Variants in AUTS2 observed in about 807,000 individuals in gnomAD.
AUTS2 encodes activator of transcription and developmental regulator AUTS2.
AUTS2 carries 17 observed loss-of-function variants against 112.4 expected under a neutral mutation model. The observed-to-expected ratio is 0.15, with a 90% CI of 0.10 to 0.23. The LOEUF is 0.23. Among genes scored for constraint, AUTS2 ranks in the 10% least tolerant of loss-of-function variants. The pLI is 1.00. For synonymous variants in AUTS2, 751 were observed against 702.7 expected, an observed-to-expected ratio of 1.07 and a Z score of -1.09; for missense variants, 1,510 against 1,701.6, an observed-to-expected ratio of 0.89 and a Z score of 1.98.
At chr7:69,810,646 TA>T (rs1348351789) in intron 1 of AUTS2, among the ~76,000 whole-genome samples, 3 of 152,108 alleles carry the variant, frequency 2.0e-5, no homozygotes, top group Admixed American at 1.3e-4. Context: ...AGCATAGATG[TA>T]AAAACCATTG....
chr7:70,752,281 C>T (rs1257993919), intron 6 of AUTS2, among the ~76,000 whole-genome samples: 2 of 152,018 alleles, frequency 1.3e-5, no homozygotes, highest in African/African-American at 2.4e-5. Flanking sequence ...AAAGTGGGGC[C>T]GTGTCTTTAA....
chr7:70,204,083 T>C (rs1411234970), intron 4 of AUTS2, among the ~76,000 whole-genome samples: 2 of 152,256 alleles, frequency 1.3e-5, no homozygotes, highest in African/African-American at 2.4e-5. Context: ...TTCCCTCTTT[T>C]ATGTTTTTAT....
chr7:70,548,434 T>C (rs1800878542), intron 5 of AUTS2, among the ~76,000 whole-genome samples: 1 of 152,126 alleles, frequency 6.6e-6, no homozygotes, highest in South Asian at 2.1e-4. Flanking sequence ...AAGTCCAGTT[T>C]ATCAGTTTTT....
chr7:70,336,128 T>C (rs1010372400), intron 4 of AUTS2, among the ~76,000 whole-genome samples: 2 of 152,208 alleles, frequency 1.3e-5, no homozygotes, highest in African/African-American at 4.8e-5. Flanking sequence ...ACATCAAACA[T>C]AGATTTTACT....
At chr7:70,541,244 T>C (rs1800540696) in intron 5 of AUTS2, among the ~76,000 whole-genome samples, 1 of 152,208 alleles carries the variant, frequency 6.6e-6, no homozygotes, top group African/African-American at 2.4e-5. Flanking sequence ...TTCTGATTTG[T>C]TGTTCTGTTT....
chr7:69,658,906 T>C (rs181305405), intron 1 of AUTS2, among the ~76,000 whole-genome samples: 1 of 152,242 alleles, frequency 6.6e-6, no homozygotes, highest in African/African-American at 2.4e-5. Context: ...TGAAATTGTT[T>C]AGTGAATTAA....
intron 4 of AUTS2, among the ~76,000 whole-genome samples, chr7:70,375,513 G>GT (rs1793046872): frequency 6.6e-6 from 1 of 152,214 alleles, no homozygotes; most frequent in African/African-American, 2.4e-5. Flanking sequence ...AAGAGAAGGT[G>GT]TAAGTTATGG....
chr7:69,773,716 G>A (rs1258281302), intron 1 of AUTS2, among the ~76,000 whole-genome samples: 3 of 152,142 alleles, frequency 2.0e-5, no homozygotes, highest in African/African-American at 7.2e-5. Context: ...ACGGAGAAGG[G>A]TGCTGATCTT....
intron 2 of AUTS2, among the ~76,000 whole-genome samples, chr7:69,980,359 C>T (rs1289068740): frequency 1.3e-5 from 2 of 152,130 alleles, no homozygotes; most frequent in Non-Finnish European, 2.9e-5. Context: ...ACATCTAGTT[C>T]AGTTTTGCAG....
At chr7:70,242,515 T>A (rs78964119) in intron 4 of AUTS2, among the ~76,000 whole-genome samples, 6,906 of 152,272 alleles carry the variant, frequency 0.045, 191 homozygotes, top group East Asian at 0.13. Context: ...AAATTAAATA[T>A]GAATACTCTT....
At chr7:70,021,133 C>A (rs1800253541) in intron 2 of AUTS2, among the ~76,000 whole-genome samples, 1 of 152,124 alleles carries the variant, frequency 6.6e-6, no homozygotes, top group Non-Finnish European at 1.5e-5. Context: ...CAGGCATGCG[C>A]CACCACACCT....
At chr7:69,695,711 A>G (rs1797531356) in intron 1 of AUTS2, among the ~76,000 whole-genome samples, 1 of 152,096 alleles carries the variant, frequency 6.6e-6, no homozygotes, top group Non-Finnish European at 1.5e-5. Flanking sequence ...GCTTTTGTAT[A>G]TTTTCTGTTT....
intron 2 of AUTS2, among the ~76,000 whole-genome samples, chr7:69,998,014 G>A (rs1799024101): frequency 6.6e-6 from 1 of 152,146 alleles, no homozygotes; most frequent in Admixed American, 6.6e-5. Context: ...GTTTGGCAGT[G>A]AAACCCTTTG....
intron 1 of AUTS2, among the ~76,000 whole-genome samples, chr7:69,630,561 A>G (rs1794182629): frequency 6.6e-6 from 1 of 152,242 alleles, no homozygotes; most frequent in South Asian, 2.1e-4. Flanking sequence ...CTTTAGTATC[A>G]GGATTGTAAA....
intron 6 of AUTS2, among the ~76,000 whole-genome samples, chr7:70,720,499 C>A (rs1786572968): frequency 6.6e-6 from 1 of 152,124 alleles, no homozygotes; most frequent in Non-Finnish European, 1.5e-5. Flanking sequence ...TCTTCATGTT[C>A]CTACAAAGTG....
chr7:70,370,528 T>G (rs980985206), intron 4 of AUTS2, among the ~76,000 whole-genome samples: 8 of 152,250 alleles, frequency 5.3e-5, no homozygotes, highest in Admixed American at 5.2e-4. Context: ...CTCTTTACAT[T>G]GCCTCATAAT....
chr7:69,895,027 G>A (rs1266692993), intron 1 of AUTS2, among the ~76,000 whole-genome samples: 2 of 152,040 alleles, frequency 1.3e-5, no homozygotes, highest in African/African-American at 4.8e-5. Context: ...CCATATTATA[G>A]CAATACTAGA....
intron 1 of AUTS2, among the ~76,000 whole-genome samples, chr7:69,633,412 G>A (rs1055161609): frequency 6.6e-6 from 1 of 152,148 alleles, no homozygotes; most frequent in African/African-American, 2.4e-5. Flanking sequence ...GAACATGGGA[G>A]TGCAGATATC....
chr7:69,894,185 G>GT (rs1794640335), intron 1 of AUTS2, among the ~76,000 whole-genome samples: 2 of 150,546 alleles, frequency 1.3e-5, no homozygotes, highest in African/African-American at 4.9e-5. Context: ...CCTCTTGTTG[G>GT]TGGCTCCCTG....
Sources: gnomAD v4.1 joint callset for allele counts (sites outside exome capture counted in the v4.1 genomes callset) on GRCh38, gnomAD v4.1.1 for gene constraint, MANE v1.5 for transcripts, NCBI Gene and HGNC (gene_info 2026-07-23, HGNC 2026-07-21) for gene names.